The following TMEM117 variants were observed in gnomAD, a reference collection of about 807,000 sequenced individuals.
TMEM117 encodes transmembrane protein 117.
A neutral mutation model predicts 52.4 loss-of-function variants in TMEM117; 27 were observed. The observed-to-expected ratio is 0.51, with a 90% CI of 0.38 to 0.71. The LOEUF (loss-of-function observed/expected upper bound fraction) is 0.71. Ranked by LOEUF, TMEM117 falls within the 30% of genes least tolerant of loss-of-function variation. The pLI, the probability that TMEM117 is intolerant of heterozygous loss-of-function variation, is 0.00. For synonymous variants in TMEM117, 215 were observed against 206.3 expected, an observed-to-expected ratio of 1.04 and a Z score of -0.36; for missense variants, 556 against 630.5, an observed-to-expected ratio of 0.88 and a Z score of 1.26.
intron 2 of TMEM117, among the ~76,000 whole-genome samples, chr12:43,943,559 T>C (rs1945080612): frequency 6.6e-6 from 1 of 152,232 alleles, no homozygotes; most frequent in Non-Finnish European, 1.5e-5. Context: ...AATGGAATTT[T>C]ATCATCAGGG....
At chr12:44,299,257 A>G (rs557643988) in intron 5 of TMEM117, among the ~76,000 whole-genome samples, 1 of 151,730 alleles carries the variant, frequency 6.6e-6, no homozygotes, top group Non-Finnish European at 1.5e-5. Flanking sequence ...CAGCCTCCCA[A>G]GTAGCTGGGA....
At chr12:44,034,346 G>A (rs1227363331) in intron 3 of TMEM117, among the ~76,000 whole-genome samples, 1 of 152,136 alleles carries the variant, frequency 6.6e-6, no homozygotes, top group African/African-American at 2.4e-5. Flanking sequence ...CTCTATCCTC[G>A]GGTTCTTATG....
upstream of TMEM117, among the ~76,000 whole-genome samples, chr12:43,832,844 C>T (rs745447262): frequency 7.2e-5 from 11 of 152,144 alleles, no homozygotes; most frequent in Non-Finnish European, 1.0e-4. Context: ...AGGGATACTC[C>T]GTGTTTAGCA....
At chr12:44,290,226 G>C (rs1240426726) in intron 5 of TMEM117, among the ~76,000 whole-genome samples, 1 of 151,840 alleles carries the variant, frequency 6.6e-6, no homozygotes, top group Admixed American at 6.6e-5. Context: ...TTCTTACTTT[G>C]ATGTTATCCC....
At chr12:44,368,006 C>T (rs1225177547) in intron 6 of TMEM117, among the ~76,000 whole-genome samples, 1 of 152,120 alleles carries the variant, frequency 6.6e-6, no homozygotes, top group Non-Finnish European at 1.5e-5. Flanking sequence ...CCACATCTCT[C>T]ACGCTCCCGT....
chr12:44,009,256 A>T lies in TMEM117; in HGVS notation c.410+64914A>T, dbSNP rs183646635. On this transcript the variant is annotated intron_variant, in intron 3 of 7. Coordinates refer to ENST00000266534, the MANE Select transcript of TMEM117 (RefSeq NM_032256.3). ...CTGTTTTGATATTTTGCATCCTAGC[A>T]TTTGTATTTCTGATGCAGAAACCGA... 6.5e-5 allele frequency: 18 copies of T among 277,902 alleles called. No homozygotes were observed. In the Admixed American group the frequency reaches 1.0e-3, roughly 16 times the overall value. The allele number at this position is 277,902 out of a possible 1,614,324, so 17.2% of individuals were successfully genotyped here.
chr12:43,972,752 T>C (rs1327762070), intron 3 of TMEM117, among the ~76,000 whole-genome samples: 2 of 152,144 alleles, frequency 1.3e-5, no homozygotes, highest in Non-Finnish European at 2.9e-5. Flanking sequence ...GCTGTGTTTT[T>C]ACAGAGCACA....
chr12:43,847,038 A>G (rs1285052517), intron 2 of TMEM117, among the ~76,000 whole-genome samples: 1 of 152,220 alleles, frequency 6.6e-6, no homozygotes, highest in African/African-American at 2.4e-5. Flanking sequence ...ACTAGAAGAA[A>G]GAAATGGAGA....
rs575612593 is a variant in TMEM117 at position 44,220,999 on chromosome 12, C to CTT, written c.608+9613_608+9614dup. On this transcript the variant is annotated intron_variant, in intron 5 of 7. Transcript: ENST00000266534. ...TATTCCTGTCCTCAAGATGGTGAAG[C>CTT]TTAACTCCCCACCCCTTGAGTATGA... Among the ~76,000 whole-genome samples, 23 of 152,256 alleles carry CTT rather than the reference C, an allele frequency of 1.5e-4. No homozygotes were observed. In the South Asian group the frequency reaches 4.8e-3, roughly 32 times the overall value.
chr12:44,317,002 C>CTTTTTTTTTTTTTTTTTTTTTTTTTTCT (rs1202276425), intron 6 of TMEM117, among the ~76,000 whole-genome samples: 1 of 121,532 alleles, frequency 8.2e-6, no homozygotes, highest in Non-Finnish European at 1.8e-5. Flanking sequence ...TTTTCTTTTT[C>CTTTTTTTTTTTTTTTTTTTTTTTTTTCT]TTTTTTTTTT....
At chr12:44,346,857 G>A (rs1275327725) in intron 6 of TMEM117, among the ~76,000 whole-genome samples, 2 of 152,182 alleles carry the variant, frequency 1.3e-5, no homozygotes, top group South Asian at 2.1e-4. Flanking sequence ...TGGCAAAATG[G>A]TTGTCTCTTT....
At chr12:44,279,703 G>A (rs532424504) in intron 5 of TMEM117, among the ~76,000 whole-genome samples, 7 of 152,108 alleles carry the variant, frequency 4.6e-5, no homozygotes, top group Non-Finnish European at 1.0e-4. Context: ...TAGTAGAAAC[G>A]GGGTTTCACT....
intron 2 of TMEM117, among the ~76,000 whole-genome samples, chr12:43,866,768 G>C (rs1172823304): frequency 6.6e-6 from 1 of 152,180 alleles, no homozygotes; most frequent in Non-Finnish European, 1.5e-5. Context: ...CAATTAGAAA[G>C]ACTGTTTTTT....
intron 3 of TMEM117, among the ~76,000 whole-genome samples, chr12:44,028,223 A>AT (rs1386657608): frequency 4.0e-5 from 6 of 151,826 alleles, no homozygotes; most frequent in Non-Finnish European, 8.8e-5. Context: ...CTGAGTGTAG[A>AT]TTTTTTTTTA....
At chr12:44,369,214 A>G (rs1951829758) in intron 6 of TMEM117, among the ~76,000 whole-genome samples, 1 of 152,182 alleles carries the variant, frequency 6.6e-6, no homozygotes, top group Admixed American at 6.5e-5. Context: ...CCTTCATCAC[A>G]TCAGTCTGCC....
At chr12:44,060,270 C>G (rs1947119093) in intron 3 of TMEM117, among the ~76,000 whole-genome samples, 1 of 152,142 alleles carries the variant, frequency 6.6e-6, no homozygotes, top group Non-Finnish European at 1.5e-5. Flanking sequence ...GGGAAAAGAG[C>G]AGGTGTTATA....
At chr12:43,927,774 A>G (rs1023793124) in intron 2 of TMEM117, among the ~76,000 whole-genome samples, 2 of 151,990 alleles carry the variant, frequency 1.3e-5, no homozygotes, top group Admixed American at 6.5e-5. Flanking sequence ...TTTACAGCCT[A>G]TTACTTCCAA....
At chr12:43,798,706 A>ATCAT in the TMEM117 span, 1 of 1,082,588 alleles carries the variant, frequency 9.2e-7, no homozygotes, top group Non-Finnish European at 1.3e-6. Context: ...CCAGTTTAAT[A>ATCAT]TTAAATGATA....
intron 2 of TMEM117, among the ~76,000 whole-genome samples, chr12:43,928,892 A>G (rs1008041938): frequency 2.6e-5 from 4 of 151,594 alleles, no homozygotes; most frequent in Admixed American, 6.6e-5. Context: ...ATGATTTCCA[A>G]TTTCATCCAT....
Sources: gnomAD v4.1 joint callset for allele counts (sites outside exome capture counted in the v4.1 genomes callset) on GRCh38, gnomAD v4.1.1 for gene constraint, MANE v1.5 for transcripts, NCBI Gene and HGNC (gene_info 2026-07-23, HGNC 2026-07-21) for gene names.